The following RAB27B variants were observed in gnomAD, a reference collection of about 807,000 sequenced individuals.
RAB27B encodes RAB27B, member RAS oncogene family, also known as ras-related protein Rab-27B.
Under a neutral mutation model 24.6 loss-of-function variants are expected in RAB27B, and 15 were observed. The observed-to-expected ratio is 0.61, with a 90% confidence interval of 0.41 to 0.94. The LOEUF (loss-of-function observed/expected upper bound fraction) is 0.94, where lower values mean the gene tolerates loss of function less well. Ranked by LOEUF, RAB27B falls within the 40% of genes least tolerant of loss-of-function variation. The probability of loss-of-function intolerance (pLI) is 0.00; values close to 1 mark genes in which losing one functional copy is unlikely to be tolerated. For missense variants in RAB27B, 261 were observed against 266.8 expected, an observed-to-expected ratio of 0.98 and a Z score of 0.15; for synonymous variants, 105 against 92.5, an observed-to-expected ratio of 1.14 and a Z score of -0.78.
At position 54,862,910 on chromosome 18, in the gene RAB27B, T is replaced by A. The variant is rs143093318; in HGVS notation, c.-19-14657T>A. Among the ~76,000 whole-genome samples, 276 of 152,360 alleles carry A rather than the reference T, an allele frequency of 1.8e-3. 3 individuals are homozygous for A. The highest frequency in any genetic ancestry group is 6.1e-3 in the African/African-American group (253 of 41,596). ...TTTCTATAAATCATAAATTACTTTA[T>A]TTGTGAGAAATTATTTCTGAGAATT... On this transcript the variant is annotated intron_variant, in intron 1 of 5. Coordinates refer to ENST00000262094, the MANE Select transcript of RAB27B (RefSeq NM_004163.4).
At chr18:54,847,869 C>A (rs1014715385) in intron 1 of RAB27B, among the ~76,000 whole-genome samples, 1 of 152,020 alleles carries the variant, frequency 6.6e-6, no homozygotes, top group African/African-American at 2.4e-5. Flanking sequence ...AAAAAAACTT[C>A]AGCCAAATTA....
chr18:54,893,729 T>C lies in RAB27B; in HGVS notation c.*4316T>C, dbSNP rs1913460931. 6.6e-6 allele frequency: 1 copy of C among 151,984 alleles called. No homozygotes were observed. Among genetic ancestry groups the C allele is most frequent in the African/African-American group, 2.4e-5 (1 of 41,422 alleles). The allele number at this position is 151,984 out of a possible 1,614,324, so 9.4% of individuals were successfully genotyped here. A position where few individuals can be genotyped will look rare whatever the true frequency, so the allele number is the denominator to read the frequency against. On this transcript the variant is annotated 3_prime_UTR_variant, in exon 6 of 6. Transcript: ENST00000262094. ...TATATAGAGAATTTTATAAATGTAT[T>C]GCCTTAGAATTTCTGGGTGGAGACC...
At chr18:54,802,142 ATCAAGT>A (rs960345250) in intron 2 of RAB27B, among the ~76,000 whole-genome samples, 2 of 152,240 alleles carry the variant, frequency 1.3e-5, no homozygotes, top group African/African-American at 2.4e-5. Flanking sequence ...GTACAATGAA[ATCAAGT>A]TCAAATAATC....
chr18:54,718,210 T>C (rs1909249968), intron 2 of RAB27B: 1 of 152,084 alleles, frequency 6.6e-6, no homozygotes. Flanking sequence ...CTTCCTCTTC[T>C]TCGTTGAAAG....
chr18:54,804,928 T>C (rs71363066), intron 2 of RAB27B, among the ~76,000 whole-genome samples: 32,152 of 84,640 alleles, frequency 0.38, 4,250 homozygotes, highest in East Asian at 0.62. Context: ...CTTTCTTTCT[T>C]TCTTTCTTTC....
chr18:54,859,758 C>A (rs956690902), intron 1 of RAB27B, among the ~76,000 whole-genome samples: 3 of 152,166 alleles, frequency 2.0e-5, no homozygotes, highest in Non-Finnish European at 4.4e-5. Context: ...TATCGGAAAA[C>A]ACTAGGTGAG....
intron 2 of RAB27B, among the ~76,000 whole-genome samples, chr18:54,774,566 A>G (rs1198312417): frequency 2.6e-5 from 4 of 152,224 alleles, no homozygotes; most frequent in African/African-American, 9.6e-5. Flanking sequence ...CTCATTAAAA[A>G]CTGGCAGTAA....
intron 2 of RAB27B, among the ~76,000 whole-genome samples, chr18:54,816,786 G>T (rs879793924): frequency 2.4e-4 from 36 of 152,092 alleles, no homozygotes; most frequent in Non-Finnish European, 4.7e-4. Flanking sequence ...AATAGCCAAG[G>T]CATTTCTGTG....
upstream of RAB27B, among the ~76,000 whole-genome samples, chr18:54,823,642 T>C (rs1910381709): frequency 6.6e-6 from 1 of 152,214 alleles, no homozygotes; most frequent in Non-Finnish European, 1.5e-5. Context: ...CACAAGTTGC[T>C]TAATAAATGT....
intron 1 of RAB27B, among the ~76,000 whole-genome samples, chr18:54,870,840 C>T (rs552871717): frequency 4.7e-4 from 72 of 152,224 alleles, no homozygotes; most frequent in African/African-American, 1.7e-3. Context: ...TGATGTCTTA[C>T]ATTTGCGTCA....
chr18:54,864,815 T>A (rs1244898296), intron 1 of RAB27B, among the ~76,000 whole-genome samples: 1 of 152,186 alleles, frequency 6.6e-6, no homozygotes, highest in Non-Finnish European at 1.5e-5. Context: ...TTGCAGTAAG[T>A]TTTGAAATTG....
chr18:54,764,978 A>G (rs1386924116), intron 2 of RAB27B, among the ~76,000 whole-genome samples: 1 of 152,122 alleles, frequency 6.6e-6, no homozygotes, highest in Admixed American at 6.6e-5. Flanking sequence ...TGCTTCTTTT[A>G]TTCACAATCA....
In RAB27B at chr18:54,835,629, A is replaced by C. The variant is rs150208028; in HGVS notation, c.-20+6929A>C. 1.1e-4 allele frequency among the ~76,000 whole-genome samples: 17 copies of C among 152,142 alleles called. No individual in the cohort carries two copies. The East Asian group carries it at 3.3e-3, about 29-fold the overall frequency. On this transcript the variant is annotated intron_variant, in intron 1 of 5. Transcript: ENST00000262094. ...ATTTATAACCGAGGGTTAAAACGTA[A>C]TAAAACAGACTTAAATAAATAGGCC...
intron 1 of RAB27B, among the ~76,000 whole-genome samples, chr18:54,834,758 A>G (rs891203404): frequency 2.0e-5 from 3 of 149,952 alleles, no homozygotes; most frequent in African/African-American, 7.6e-5. Flanking sequence ...TAGAGGGAAA[A>G]TTTCATTTTA....
At chr18:54,834,230 AG>A (rs1910805124) in intron 1 of RAB27B, among the ~76,000 whole-genome samples, 1 of 152,232 alleles carries the variant, frequency 6.6e-6, no homozygotes, top group Non-Finnish European at 1.5e-5. Flanking sequence ...AAACGTTTCT[AG>A]GTAGCTACAG....
chr18:54,737,606 C>T lies in RAB27B; in HGVS notation c.-20+19465C>T, dbSNP rs1348137556. ...TTCTCGAATGTGAGCACAAAATAATCTTTGTATTTCCAGCACTTACTGCAG... is the reference window on the plus strand; with the variant it reads ...TTCTCGAATGTGAGCACAAAATAATTTTTGTATTTCCAGCACTTACTGCAG... On this transcript the variant is annotated intron_variant, in intron 2 of 4. Transcript: ENST00000586570. Among the ~76,000 whole-genome samples the T allele has an allele frequency of 2.0e-5, 3 of 152,072 alleles. 1 individual carries two copies. The South Asian group carries it at 6.2e-4, about 32-fold the overall frequency.
At chr18:54,737,069 C>T (rs1044436804) in intron 2 of RAB27B, among the ~76,000 whole-genome samples, 1 of 152,072 alleles carries the variant, frequency 6.6e-6, no homozygotes, top group Admixed American at 6.6e-5. Flanking sequence ...AGTAAACCAC[C>T]TCCAAATGAC....
At position 54,830,872 on chromosome 18, in the gene RAB27B, CA is replaced by C. The variant is rs369724728; in HGVS notation, c.-20+2179del. On this transcript the variant is annotated intron_variant, in intron 1 of 5. Coordinates refer to ENST00000262094, the MANE Select transcript of RAB27B (RefSeq NM_004163.4). The stretch of plus-strand genomic sequence containing the variant: ...AGTAACACTCTGTTTATCAAATGGC[CA>C]AAAAAATCTTAAATAAATTTTGTCT... Among the ~76,000 whole-genome samples, 23 of 152,030 alleles carry C rather than the reference CA, an allele frequency of 1.5e-4. No homozygotes were observed. In the East Asian group the frequency reaches 3.9e-3, roughly 26 times the overall value.
intron 2 of RAB27B, among the ~76,000 whole-genome samples, chr18:54,811,108 T>C (rs80299445): frequency 0.033 from 4,979 of 152,216 alleles, 139 homozygotes; most frequent in Admixed American, 0.077. Context: ...TTTTGGTTAG[T>C]CTCCCCATGC....
Sources: allele counts gnomAD v4.1 joint callset (sites outside exome capture counted in the v4.1 genomes callset), GRCh38; gene constraint gnomAD v4.1.1; transcripts MANE v1.5; gene names NCBI Gene and HGNC (gene_info 2026-07-23, HGNC 2026-07-21).